Variants in PLD5 observed in about 807,000 individuals in gnomAD.
PLD5 encodes the protein phospholipase D family member 5.
In PLD5, 36 loss-of-function variants were observed where a neutral mutation model predicts 61.1. The ratio of observed to expected loss-of-function variants is 0.59; its 90% CI spans 0.45 to 0.78. PLD5 has a LOEUF of 0.78. PLD5 is among the 30% of genes least tolerant of loss of function. The pLI is 0.00. For missense variants in PLD5, 515 were observed against 644.4 expected, an observed-to-expected ratio of 0.80 and a Z score of 2.17; for synonymous variants, 243 against 242.8, an observed-to-expected ratio of 1.00 and a Z score of -0.01.
At chr1:242,166,693 C>T (rs752657580) in intron 5 of PLD5, among the ~76,000 whole-genome samples, 8 of 152,194 alleles carry the variant, frequency 5.3e-5, no homozygotes, top group Admixed American at 2.0e-4. Flanking sequence ...AGTTATGGAA[C>T]CTTTAATAAC....
chr1:242,464,423 C>T (rs1487638222), intron 1 of PLD5, among the ~76,000 whole-genome samples: 1 of 152,210 alleles, frequency 6.6e-6, no homozygotes, highest in Non-Finnish European at 1.5e-5. Flanking sequence ...GCTTTCCTTA[C>T]CTCAGTTACG....
chr1:242,371,346 T>G (rs1661621376), intron 1 of PLD5, among the ~76,000 whole-genome samples: 1 of 152,024 alleles, frequency 6.6e-6, no homozygotes. Context: ...TGATGAGATC[T>G]TCCTTCTCTG....
rs1660246536 is a variant in PLD5 at position 242,348,154 on chromosome 1, C to T, written c.278G>A (p.Gly93Glu). Residue 93 changes from glycine to glutamate, a missense_variant, in exon 2 of 10, where the codon GGA becomes GAA. Around this residue, in one of 2 missense-constraint regions of PLD5, gnomAD observed 450 missense variants for 598.1 expected, o/e 0.75. Transcript: ENST00000536534. ...ALIFSAVDIM[G>E]EDEDGLSEKN... ...TTCTGAGAGTCCATCCTCATCCTCT[C>T]CCATGATGTCCACGGCTGAAAAGAT... The T allele has an allele frequency of 6.2e-7, 1 of 1,613,790 alleles. No homozygotes were observed. The highest frequency in any genetic ancestry group is 1.1e-5 in the South Asian group (1 of 91,070).
intron 5 of PLD5, among the ~76,000 whole-genome samples, chr1:242,177,017 C>T (rs12143642): frequency 2.6e-5 from 4 of 151,990 alleles, no homozygotes; most frequent in Admixed American, 2.0e-4. Context: ...GACAGTGTGG[C>T]AATTCCTCAA....
intron 5 of PLD5, among the ~76,000 whole-genome samples, chr1:242,214,871 CTTTTTTT>C (rs71570942): frequency 3.2e-5 from 3 of 92,458 alleles, no homozygotes; most frequent in South Asian, 4.4e-4. Context: ...CATTAAACAC[CTTTTTTT>C]TTTTTTTTTT....
intron 1 of PLD5, among the ~76,000 whole-genome samples, chr1:242,457,716 C>G (rs1666986233): frequency 6.6e-6 from 1 of 152,198 alleles, no homozygotes; most frequent in Non-Finnish European, 1.5e-5. Context: ...ACAATCCAGT[C>G]AGACATCCTG....
chr1:242,284,627 G>A (rs1304839026), intron 3 of PLD5, among the ~76,000 whole-genome samples: 2 of 152,180 alleles, frequency 1.3e-5, no homozygotes, highest in Non-Finnish European at 2.9e-5. Flanking sequence ...GTCCATGCCT[G>A]GCTTTTGGCC....
intron 5 of PLD5, among the ~76,000 whole-genome samples, chr1:242,169,176 T>G (rs1417028880): frequency 1.3e-5 from 2 of 152,006 alleles, no homozygotes; most frequent in Non-Finnish European, 2.9e-5. Flanking sequence ...ACAGCTCTAG[T>G]CTGCAGCTCC....
intron 2 of PLD5, among the ~76,000 whole-genome samples, chr1:242,291,768 C>G (rs1394911676): frequency 6.6e-6 from 1 of 152,102 alleles, no homozygotes; most frequent in African/African-American, 2.4e-5. Context: ...GATTGTACCA[C>G]TGCACTCCAG....
chr1:242,205,847 A>T (rs2148966658), intron 5 of PLD5, among the ~76,000 whole-genome samples: 1 of 152,312 alleles, frequency 6.6e-6, no homozygotes, highest in African/African-American at 2.4e-5. Context: ...GGTCTTTGAA[A>T]CTTCCTCAGT....
upstream of PLD5, among the ~76,000 whole-genome samples, chr1:242,525,218 T>C (rs2103016688): frequency 6.6e-6 from 1 of 152,148 alleles, no homozygotes; most frequent in South Asian, 2.1e-4. Flanking sequence ...TCCGATGGTG[T>C]GGCGATGCAA....
intron 5 of PLD5, among the ~76,000 whole-genome samples, chr1:242,137,357 A>G (rs77195514): frequency 6.6e-6 from 1 of 152,280 alleles, no homozygotes; most frequent in East Asian, 1.9e-4. Flanking sequence ...TCCTTGCAAC[A>G]TACTTTCCTA....
chr1:242,407,929 G>T (rs1054141128), intron 1 of PLD5, among the ~76,000 whole-genome samples: 16 of 152,240 alleles, frequency 1.1e-4, no homozygotes, highest in African/African-American at 3.9e-4. Flanking sequence ...TATTTTTGCT[G>T]CTTGCTTTCT....
At chr1:242,296,577 C>T (rs1320067971) in intron 2 of PLD5, among the ~76,000 whole-genome samples, 3 of 152,182 alleles carry the variant, frequency 2.0e-5, no homozygotes, top group Non-Finnish European at 4.4e-5. Context: ...TTGATACAGA[C>T]CTAGGGACCT....
rs963897574 is a variant in PLD5 at position 242,261,932 on chromosome 1, G to A, written c.607+3405C>T. 5.3e-5 allele frequency among the ~76,000 whole-genome samples: 8 copies of A among 152,238 alleles called. No homozygotes were observed. The East Asian group carries it at 5.8e-4, about 11-fold the overall frequency. ...CTGACTGGCCGTATCTATCGAAATCGAACACATATATAGCCTATTATGTCA... is the reference window on the plus strand; with the variant it reads ...CTGACTGGCCGTATCTATCGAAATCAAACACATATATAGCCTATTATGTCA... On this transcript the variant is annotated intron_variant, in intron 4 of 9. Coordinates refer to ENST00000536534, the MANE Select transcript of PLD5 (RefSeq NM_001372062.1).
chr1:242,227,392 T>C (rs183085975), intron 4 of PLD5, among the ~76,000 whole-genome samples: 18 of 152,190 alleles, frequency 1.2e-4, no homozygotes, highest in African/African-American at 2.2e-4. Flanking sequence ...AGACAGAGTG[T>C]CTCGCTCTGT....
Position 242,170,667 on chromosome 1 carries a change from T to G in PLD5, c.736-46002A>C, listed in dbSNP as rs572821901. Among the ~76,000 whole-genome samples, 33 of 152,282 alleles carry G rather than the reference T, an allele frequency of 2.2e-4. No individual in the cohort carries two copies. The East Asian group carries it at 6.4e-3, about 29-fold the overall frequency. ...GAAGCTAAGAATCTTGAAAAAAGGT[T>G]AGACAAATTGGTAACTAGAATAACC... On this transcript the variant is annotated intron_variant, in intron 5 of 9. Coordinates refer to ENST00000536534, the MANE Select transcript of PLD5 (RefSeq NM_001372062.1).
At chr1:242,140,508 G>A (rs1382448731) in intron 5 of PLD5, among the ~76,000 whole-genome samples, 1 of 152,132 alleles carries the variant, frequency 6.6e-6, no homozygotes, top group East Asian at 1.9e-4. Flanking sequence ...ATGGTGGCAT[G>A]TACTTGTAGT....
At chr1:242,383,073 T>G (rs1209382764) in intron 1 of PLD5, among the ~76,000 whole-genome samples, 1 of 152,146 alleles carries the variant, frequency 6.6e-6, no homozygotes, top group South Asian at 2.1e-4. Context: ...TCTCCTGCAC[T>G]TTCCCTTTCT....
Sources: allele counts gnomAD v4.1 joint callset (sites outside exome capture counted in the v4.1 genomes callset), GRCh38; gene constraint gnomAD v4.1.1; regional missense constraint gnomAD v4.1.1; transcripts MANE v1.5; gene names NCBI Gene and HGNC (gene_info 2026-07-23, HGNC 2026-07-21).